The following GLIS3 variants were observed in gnomAD, a reference collection of about 807,000 sequenced individuals.
The protein encoded by GLIS3 is zinc finger protein GLIS3.
In GLIS3, 53 loss-of-function variants were observed where a neutral mutation model predicts 78.6. The ratio of observed to expected loss-of-function variants is 0.67; its 90% CI spans 0.54 to 0.85. The LOEUF is 0.85. Among genes scored for constraint, GLIS3 ranks in the 40% least tolerant of loss-of-function variants. The pLI is 0.00. For synonymous variants in GLIS3, 684 were observed against 509.9 expected (o/e 1.34, Z -4.60); for missense variants, 1,703 against 1,231.1 (o/e 1.38, Z -5.74).
At chr9:4,076,523 G>T (rs1221002829) in intron 4 of GLIS3, among the ~76,000 whole-genome samples, 1 of 152,064 alleles carries the variant, frequency 6.6e-6, no homozygotes, top group Non-Finnish European at 1.5e-5. Flanking sequence ...CTAATGAACT[G>T]TAAATTGTAA....
At chr9:4,292,257 C>T (rs1482996404) in intron 1 of GLIS3, among the ~76,000 whole-genome samples, 1 of 152,042 alleles carries the variant, frequency 6.6e-6, no homozygotes, top group East Asian at 1.9e-4. Flanking sequence ...AATAGGACTA[C>T]TAGAATAAAA....
chr9:4,248,517 C>G (rs12337917), intron 2 of GLIS3, among the ~76,000 whole-genome samples: 2,498 of 152,224 alleles, frequency 0.016, 65 homozygotes, highest in African/African-American at 0.058. Flanking sequence ...GGTTCCAACT[C>G]TTTGCTATTG....
Position 4,118,433 on chromosome 9 carries a change from C to T in GLIS3, c.1045G>A (p.Gly349Arg). The T allele has an allele frequency of 6.2e-7, 1 of 1,611,734 alleles. No homozygotes were observed. The highest frequency in any genetic ancestry group is 8.5e-7 in the Non-Finnish European group (1 of 1,179,976). ...ANLSPQPEVY[G>R]HFLGVRGSCI... ...CTGCCGCGCACGCCCAGGAAATGCC[C>T]GTAGACCTCCGGCTGCGGGGACAGG... The change falls in exon 4 of 11, where the codon GGG becomes AGG. Residue 349 changes from glycine to arginine, a missense_variant. Transcript: ENST00000381971. The surrounding 1 kb of genome is among the most constrained non-coding windows in gnomAD (Gnocchi z 4.7).
the GLIS3 span, among the ~76,000 whole-genome samples, chr9:4,391,966 C>T: frequency 1.3e-5 from 2 of 152,144 alleles, no homozygotes; most frequent in Non-Finnish European, 2.9e-5. Flanking sequence ...TTCATTCCAG[C>T]ACTATTCACA....
intron 6 of GLIS3, among the ~76,000 whole-genome samples, chr9:3,910,217 T>G (rs910590598): frequency 6.6e-6 from 1 of 152,254 alleles, no homozygotes; most frequent in African/African-American, 2.4e-5. Context: ...TTACTGTTTT[T>G]TAGTATTTGA....
At chr9:4,385,830 A>G in the GLIS3 span, among the ~76,000 whole-genome samples, 3 of 134,430 alleles carry the variant, frequency 2.2e-5, no homozygotes, top group Non-Finnish European at 5.0e-5. Flanking sequence ...AAGAGAAAAG[A>G]AAGAAAAAAT....
the GLIS3 span, among the ~76,000 whole-genome samples, chr9:4,376,059 C>T: frequency 6.6e-6 from 1 of 152,138 alleles, no homozygotes; most frequent in Non-Finnish European, 1.5e-5. Flanking sequence ...TCTGCTGAAA[C>T]ACCAGACAAA....
intron 2 of GLIS3, among the ~76,000 whole-genome samples, chr9:4,335,548 A>G (rs1817743754): frequency 6.6e-6 from 1 of 152,196 alleles, no homozygotes; most frequent in Admixed American, 6.5e-5. Flanking sequence ...GGCAGAATTC[A>G]GTGGTTCTGG....
intron 2 of GLIS3, among the ~76,000 whole-genome samples, chr9:4,272,537 A>G (rs1450437583): frequency 1.3e-5 from 2 of 152,172 alleles, no homozygotes; most frequent in Non-Finnish European, 2.9e-5. Flanking sequence ...TCTTATTTTC[A>G]ATGGGAATAC....
chr9:4,297,948 T>C (rs57376715), intron 1 of GLIS3, among the ~76,000 whole-genome samples: 7,817 of 126,174 alleles, frequency 0.062, 651 homozygotes, highest in African/African-American at 0.21. Flanking sequence ...TAGGGGCGGG[T>C]CCGGAGGCGG....
rs548522925 is a variant in GLIS3, at chr9:3,828,072, G to C, written c.*200C>G. ...CTGGTCACATAGTCCAGGAAAACCA[G>C]AGAGAAAAAGGAGCAACTGTAATGA... is the stretch of plus-strand genomic sequence containing the variant. On this transcript the variant is annotated 3_prime_UTR_variant, in exon 11 of 11. Transcript: ENST00000381971. 1 of 625,498 alleles carries C rather than the reference G, an allele frequency of 1.6e-6. No individual in the cohort carries two copies. The allele number at this position is 625,498 out of a possible 1,614,324, so 38.7% of individuals were successfully genotyped here.
intron 8 of GLIS3, among the ~76,000 whole-genome samples, chr9:3,875,281 T>G (rs905748799): frequency 6.6e-6 from 1 of 152,214 alleles, no homozygotes; most frequent in Non-Finnish European, 1.5e-5. Context: ...AAATAATGTG[T>G]CATTCAGATA....
intron 3 of GLIS3, among the ~76,000 whole-genome samples, chr9:4,120,084 C>T (rs1398200224): frequency 6.6e-6 from 1 of 152,132 alleles, no homozygotes; most frequent in African/African-American, 2.4e-5. Context: ...CACAACAAAA[C>T]GTTATATAAA....
At chr9:4,339,580 G>A (rs1271212807) in intron 2 of GLIS3, among the ~76,000 whole-genome samples, 1 of 150,612 alleles carries the variant, frequency 6.6e-6, no homozygotes, top group African/African-American at 2.4e-5. Flanking sequence ...TGTTGCTTCT[G>A]GTCCTTCTGT....
chr9:3,860,477 T>C (rs989960762), intron 8 of GLIS3, among the ~76,000 whole-genome samples: 1 of 152,082 alleles, frequency 6.6e-6, no homozygotes, highest in Non-Finnish European at 1.5e-5. Flanking sequence ...TCCCCAGCCA[T>C]GCAGTGGGGT....
intron 4 of GLIS3, among the ~76,000 whole-genome samples, chr9:4,012,993 A>C (rs1188061014): frequency 2.0e-5 from 3 of 151,854 alleles, no homozygotes; most frequent in Non-Finnish European, 2.9e-5. Flanking sequence ...GGCTGGTCTC[A>C]AACTCCTGAC....
chr9:4,295,598 C>A (rs1816411610), intron 1 of GLIS3, among the ~76,000 whole-genome samples: 1 of 151,956 alleles, frequency 6.6e-6, no homozygotes, highest in Non-Finnish European at 1.5e-5. Context: ...TGTTAGAAAC[C>A]AGGGCAACGG....
chr9:4,482,615 G>A, the GLIS3 span, among the ~76,000 whole-genome samples: 1 of 152,104 alleles, frequency 6.6e-6, no homozygotes, highest in Non-Finnish European at 1.5e-5. Flanking sequence ...ATACAACCAG[G>A]CAACTATTTC....
At chr9:4,274,915 C>T (rs1826846588) in intron 2 of GLIS3, among the ~76,000 whole-genome samples, 1 of 152,216 alleles carries the variant, frequency 6.6e-6, no homozygotes, top group Admixed American at 6.5e-5. Context: ...CAAGGTCCTA[C>T]ACCACAAGTT....
Sources: allele counts gnomAD v4.1 joint callset (sites outside exome capture counted in the v4.1 genomes callset), GRCh38; gene constraint gnomAD v4.1.1; non-coding constraint Gnocchi (gnomAD v3.1); transcripts MANE v1.5; gene names NCBI Gene and HGNC (gene_info 2026-07-23, HGNC 2026-07-21).